The following RFX3 variants were observed in gnomAD, a reference collection of about 807,000 sequenced individuals.
RFX3 encodes transcription factor RFX3.
A neutral mutation model predicts 98.6 loss-of-function variants in RFX3; 14 were observed. The observed-to-expected ratio is 0.14, with a 90% CI of 0.09 to 0.22. The LOEUF (loss-of-function observed/expected upper bound fraction) is 0.22, where lower values mean the gene tolerates loss of function less well. RFX3 is among the 10% of genes least tolerant of loss of function. RFX3 has a pLI of 1.00. For synonymous variants in RFX3, 383 were observed against 328.4 expected (o/e 1.17, Z -1.80); for missense variants, 639 against 926.9 (o/e 0.69, Z 4.03).
intron 8 of RFX3, among the ~76,000 whole-genome samples, chr9:3,276,316 C>T (rs751966132): frequency 2.0e-5 from 3 of 152,012 alleles, no homozygotes; most frequent in East Asian, 1.9e-4. Context: ...GTGAGGGAGG[C>T]GTAATTTACA....
intron 2 of RFX3, among the ~76,000 whole-genome samples, chr9:3,363,063 T>A (rs892370591): frequency 6.6e-6 from 1 of 152,232 alleles, no homozygotes; most frequent in Non-Finnish European, 1.5e-5. Context: ...GTATTAAGCA[T>A]TATTTCCCTT....
chr9:3,252,945 C>G (rs1032210720), intron 14 of RFX3, among the ~76,000 whole-genome samples: 1 of 152,180 alleles, frequency 6.6e-6, no homozygotes, highest in Non-Finnish European at 1.5e-5. Context: ...CTCTCTGTGT[C>G]AGGCCTCCGC....
rs575827593 is a variant in RFX3, at chr9:3,415,323, T to C, written c.-8-19727A>G. Among the ~76,000 whole-genome samples, 16 of 151,310 alleles carry C rather than the reference T, an allele frequency of 1.1e-4. No individual in the cohort carries two copies. The South Asian group carries it at 3.1e-3, about 30-fold the overall frequency. The stretch of plus-strand genomic sequence containing the variant: ...TCTAACTCTTGGGCTCAAGCAATCC[T>C]CTTGCCTCAGTCTCCCAAAGTGCAG... On this transcript the variant is annotated intron_variant, in intron 1 of 16. Coordinates refer to ENST00000617270, the MANE Select transcript of RFX3 (RefSeq NM_001282116.2).
In RFX3 at chr9:3,457,611, T is replaced by C. The variant is rs188960161; in HGVS notation, c.-8-62015A>G. ...GATCTGAACATGTTCCAGTACTTAG[T>C]ATCTTTACAAGCCTCAATTCATTTT... On this transcript the variant is annotated intron_variant, in intron 1 of 16. Transcript: ENST00000617270. Among the ~76,000 whole-genome samples, 249 of 152,314 alleles carry C rather than the reference T, an allele frequency of 1.6e-3. 1 individual carries two copies. The highest frequency in any genetic ancestry group is 5.7e-3 in the African/African-American group (238 of 41,556).
chr9:3,310,173 G>C (rs1406006774), intron 4 of RFX3, among the ~76,000 whole-genome samples: 1 of 152,172 alleles, frequency 6.6e-6, no homozygotes, highest in Non-Finnish European at 1.5e-5. Flanking sequence ...ACCTCAGTTT[G>C]AAATGCAGCA....
chr9:3,470,549 G>C (rs532832631), intron 1 of RFX3, among the ~76,000 whole-genome samples: 1 of 150,830 alleles, frequency 6.6e-6, no homozygotes, highest in Non-Finnish European at 1.5e-5. Flanking sequence ...GGATGGTCTC[G>C]ATCTCCTGAC....
chr9:3,431,312 C>T (rs1016096348), intron 1 of RFX3, among the ~76,000 whole-genome samples: 14 of 152,296 alleles, frequency 9.2e-5, no homozygotes, highest in African/African-American at 3.4e-4. Flanking sequence ...AGTGATGCTG[C>T]AAGTGCTCCC....
At chr9:3,262,222 C>T (rs1358126562) in intron 13 of RFX3, among the ~76,000 whole-genome samples, 1 of 152,092 alleles carries the variant, frequency 6.6e-6, no homozygotes, top group East Asian at 1.9e-4. Flanking sequence ...TATTTGGTAA[C>T]ATTTAGATTC....
intron 1 of RFX3, among the ~76,000 whole-genome samples, chr9:3,493,771 T>G (rs1349624285): frequency 2.7e-5 from 4 of 149,340 alleles, no homozygotes; most frequent in Non-Finnish European, 5.9e-5. Context: ...ATAAACTTAG[T>G]TAAGGTCCAA....
intron 11 of RFX3, among the ~76,000 whole-genome samples, chr9:3,269,254 G>A (rs1314751633): frequency 4.0e-5 from 6 of 151,818 alleles, no homozygotes; most frequent in Admixed American, 6.6e-5. Context: ...TTTCAAGGTG[G>A]CCGGGAACAT....
At chr9:3,517,818 A>C (rs1818322048) in intron 1 of RFX3, among the ~76,000 whole-genome samples, 1 of 152,214 alleles carries the variant, frequency 6.6e-6, no homozygotes, top group African/African-American at 2.4e-5. Flanking sequence ...GAGGACAGTC[A>C]GATGAGTAGA....
At chr9:3,396,702 G>T (rs1464343246) in intron 1 of RFX3, among the ~76,000 whole-genome samples, 1 of 152,158 alleles carries the variant, frequency 6.6e-6, no homozygotes, top group Non-Finnish European at 1.5e-5. Flanking sequence ...TCCAGCACCT[G>T]CTGTTTCCTG....
chr9:3,410,351 A>G (rs1466177903), intron 1 of RFX3, among the ~76,000 whole-genome samples: 1 of 152,152 alleles, frequency 6.6e-6, no homozygotes, highest in Admixed American at 6.6e-5. Context: ...ATTATTATAC[A>G]GAGTTTCTGA....
chr9:3,284,842 C>G (rs1350442724), intron 7 of RFX3, among the ~76,000 whole-genome samples: 1 of 151,648 alleles, frequency 6.6e-6, no homozygotes, highest in Non-Finnish European at 1.5e-5. Flanking sequence ...ACTGCAGGCT[C>G]TATGACATCT....
chr9:3,374,252 G>A lies in RFX3; in HGVS notation c.117+21220C>T, dbSNP rs1432930341. On this transcript the variant is annotated intron_variant, in intron 2 of 16. Transcript: ENST00000617270. Reference sequence around the variant, plus strand: ...GGATGTGAAATGGTATAGCTGTTATGGAAAACAGTATAGCAGCTCCTCAAA... The same window carrying A: ...GGATGTGAAATGGTATAGCTGTTATAGAAAACAGTATAGCAGCTCCTCAAA... Among the ~76,000 whole-genome samples the A allele has an allele frequency of 2.6e-5, 4 of 152,252 alleles. No individual in the cohort carries two copies. In the East Asian group the frequency reaches 7.7e-4, roughly 29 times the overall value.
chr9:3,396,923 T>A (rs1376003867), intron 1 of RFX3, among the ~76,000 whole-genome samples: 1 of 152,218 alleles, frequency 6.6e-6, no homozygotes, highest in South Asian at 2.1e-4. Context: ...AGCCAACTGA[T>A]ATGCCCTAAA....
chr9:3,508,032 T>G (rs1168391212), intron 1 of RFX3, among the ~76,000 whole-genome samples: 4 of 151,984 alleles, frequency 2.6e-5, no homozygotes, highest in Non-Finnish European at 5.9e-5. Context: ...TAAACGACTC[T>G]GACGAAGAGG....
At chr9:3,277,680 T>G (rs1825414387) in intron 7 of RFX3, among the ~76,000 whole-genome samples, 1 of 151,982 alleles carries the variant, frequency 6.6e-6, no homozygotes, top group Admixed American at 6.6e-5. Flanking sequence ...AGGGGACCCA[T>G]TTTTGGAAAT....
intron 1 of RFX3, among the ~76,000 whole-genome samples, chr9:3,462,250 C>T (rs1295335896): frequency 6.6e-6 from 1 of 151,924 alleles, no homozygotes; most frequent in Non-Finnish European, 1.5e-5. Context: ...GGGATTTATT[C>T]CAGAATTCAA....
Sources: allele counts gnomAD v4.1 joint callset (sites outside exome capture counted in the v4.1 genomes callset), GRCh38; gene constraint gnomAD v4.1.1; transcripts MANE v1.5; gene names NCBI Gene and HGNC (gene_info 2026-07-23, HGNC 2026-07-21).